Variants in LIMA1 observed in about 807,000 individuals in gnomAD.
LIMA1 encodes LIM domain and actin binding 1.
In LIMA1, 52 loss-of-function variants were observed where a neutral mutation model predicts 62.6. The ratio of observed to expected loss-of-function variants is 0.83; its 90% CI spans 0.67 to 1.05. The LOEUF (loss-of-function observed/expected upper bound fraction) is 1.05. LIMA1 is among the 50% of genes least tolerant of loss of function. The pLI, the probability that LIMA1 is intolerant of heterozygous loss-of-function variation, is 0.00. For missense variants in LIMA1, 780 were observed against 902.2 expected (o/e 0.86, Z 1.74); for synonymous variants, 302 against 317.8 (o/e 0.95, Z 0.53).
intron 9 of LIMA1, chr12:50,190,388 CAA>C (rs1940731140): frequency 1.4e-5 from 2 of 140,408 alleles, no homozygotes; most frequent in South Asian, 2.3e-4. Flanking sequence ...TTTTTTGAGA[CAA>C]GAGTTTCATG....
chr12:50,188,413 A>G (rs1204406469), intron 9 of LIMA1: 1 of 152,196 alleles, frequency 6.6e-6, no homozygotes, highest in African/African-American at 2.4e-5. Flanking sequence ...AGGAAGAGCA[A>G]ATAAATTGCC....
At chr12:50,192,627 C>T (rs910818529) in intron 8 of LIMA1, 66 bp from the exon 9 acceptor site, 10 of 1,252,560 alleles carry the variant, frequency 8.0e-6, no homozygotes, top group East Asian at 4.7e-5. Flanking sequence ...AGTGTTCTTC[C>T]GAAAAGCAAA....
intron 1 of LIMA1, among the ~76,000 whole-genome samples, chr12:50,278,930 T>C (rs1262820464): frequency 6.6e-6 from 1 of 152,116 alleles, no homozygotes; most frequent in Non-Finnish European, 1.5e-5. Flanking sequence ...TAGATCTCTC[T>C]GGAACAGATT....
intron 2 of LIMA1, among the ~76,000 whole-genome samples, chr12:50,246,583 C>T (rs1298936859): frequency 2.6e-5 from 4 of 152,074 alleles, no homozygotes; most frequent in African/African-American, 7.2e-5. Flanking sequence ...TCTAAAATAC[C>T]GGTCTGATCA....
chr12:50,222,322 C>G lies in LIMA1; in HGVS notation c.329G>C (p.Ser110Thr), dbSNP rs752452536. The G allele has an allele frequency of 6.2e-7, 1 of 1,614,132 alleles. No individual in the cohort carries two copies. Among genetic ancestry groups the G allele is most frequent in the South Asian group, 1.1e-5 (1 of 91,080 alleles). The change falls in exon 4 of 11, where the codon AGC (serine) becomes ACC (threonine). Residue 110 changes from serine to threonine, a missense_variant. Transcript: ENST00000341247. ...AGCTTTGGCTCCAGAAGCAGCGTGGCTTGTCACTTCAGCAGGAGGATGGTC... is the reference window on the plus strand; with the variant it reads ...AGCTTTGGCTCCAGAAGCAGCGTGGGTTGTCACTTCAGCAGGAGGATGGTC... ...RADHPPAEVT[S>T]HAASGAKADQ... is the part of the protein sequence containing the mutation.
chr12:50,193,667 T>TA (rs1491331766), intron 8 of LIMA1, among the ~76,000 whole-genome samples: 4,261 of 52,264 alleles, frequency 0.082, 145 homozygotes, highest in African/African-American at 0.16. Flanking sequence ...TATATATATA[T>TA]TTTTTTTTTT....
At chr12:50,182,402 A>G (rs909064591) in intron 9 of LIMA1, among the ~76,000 whole-genome samples, 11 of 152,336 alleles carry the variant, frequency 7.2e-5, no homozygotes, top group Non-Finnish European at 1.5e-4. Context: ...TATCACACAC[A>G]GAAGAAAGAA....
At chr12:50,199,358 C>T (rs1940995852) in intron 7 of LIMA1, among the ~76,000 whole-genome samples, 2 of 152,068 alleles carry the variant, frequency 1.3e-5, no homozygotes, top group Admixed American at 1.3e-4. Context: ...CCTGTAATTC[C>T]TCAGCCATCA....
intron 3 of LIMA1, among the ~76,000 whole-genome samples, chr12:50,223,750 T>C (rs1941485400): frequency 6.6e-6 from 1 of 151,928 alleles, no homozygotes; most frequent in Admixed American, 6.6e-5. Context: ...GAAAATTAAA[T>C]GTCCCGGCTG....
chr12:50,261,042 A>ATTTTTTTTTTT lies in LIMA1; in HGVS notation c.-23-12279_-23-12269dup, dbSNP rs71083524. 2.2e-3 allele frequency among the ~76,000 whole-genome samples: 121 copies of ATTTTTTTTTTT among 54,274 alleles called. 17 individuals carry two copies. Among genetic ancestry groups the ATTTTTTTTTTT allele is most frequent in the East Asian group, 0.016 (14 of 876 alleles). 35.6% of individuals were successfully genotyped at this position (54,274 alleles called of 152,430 possible). A position where few individuals can be genotyped will look rare whatever the true frequency, so the allele number is the denominator to read the frequency against. On this transcript the variant is annotated intron_variant, in intron 1 of 10. Coordinates refer to ENST00000341247, the MANE Select transcript of LIMA1 (RefSeq NM_016357.5). ...CTTTTGCTTTTCTGCCATCTAGTAT[A>ATTTTTTTTTTT]TTTTTTTTTTTTTTTTTTTTTTTTT...
intron 2 of LIMA1, among the ~76,000 whole-genome samples, chr12:50,246,231 C>CAAAA (rs923214910): frequency 5.8e-5 from 3 of 51,312 alleles, no homozygotes; most frequent in South Asian, 6.3e-4. Context: ...GACTCCATCT[C>CAAAA]AAAAAAAAAA....
intron 4 of LIMA1, among the ~76,000 whole-genome samples, chr12:50,208,146 G>A (rs1172716801): frequency 2.0e-5 from 3 of 151,992 alleles, no homozygotes; most frequent in Non-Finnish European, 4.4e-5. Flanking sequence ...CCAGGAGTTT[G>A]AGACCAGCTT....
At chr12:50,194,809 A>G (rs1940892455) in intron 8 of LIMA1, among the ~76,000 whole-genome samples, 1 of 151,708 alleles carries the variant, frequency 6.6e-6, no homozygotes, top group South Asian at 2.1e-4. Flanking sequence ...GCACTTTGTG[A>G]GGCCGAGGCG....
intron 1 of LIMA1, among the ~76,000 whole-genome samples, chr12:50,254,777 C>T (rs992425373): frequency 1.3e-5 from 2 of 152,106 alleles, no homozygotes; most frequent in Non-Finnish European, 2.9e-5. Context: ...TGGACAAAAA[C>T]AGCCGGGCGC....
chr12:50,176,494 C>A lies in LIMA1; in HGVS notation c.*570G>T, dbSNP rs1179107305. On this transcript the variant is annotated 3_prime_UTR_variant, in exon 11 of 11. Coordinates refer to ENST00000341247, the MANE Select transcript of LIMA1 (RefSeq NM_016357.5). ...CGAGTTCAGGATGTAGTTTAGAGAGCAGGACATAAAGTAGTAAATTCCTCA... is the reference window on the plus strand; with the variant it reads ...CGAGTTCAGGATGTAGTTTAGAGAGAAGGACATAAAGTAGTAAATTCCTCA... 1 of 152,328 alleles carries A rather than the reference C, an allele frequency of 6.6e-6. No homozygotes were observed. The highest frequency in any genetic ancestry group is 1.5e-5 in the Non-Finnish European group (1 of 68,068). The allele number at this position is 152,328 out of a possible 1,614,324, so 9.4% of individuals were successfully genotyped here. A position where few individuals can be genotyped will look rare whatever the true frequency, so the allele number is the denominator to read the frequency against.
chr12:50,228,522 A>G (rs1941565247), intron 3 of LIMA1, among the ~76,000 whole-genome samples: 1 of 152,152 alleles, frequency 6.6e-6, no homozygotes, highest in African/African-American at 2.4e-5. Context: ...GTTACTCCTT[A>G]TATCTCCAAC....
intron 9 of LIMA1, chr12:50,185,244 A>G (rs1940603816): frequency 2.6e-6 from 1 of 391,170 alleles, no homozygotes; most frequent in Non-Finnish European, 5.1e-6. Flanking sequence ...GGAGATGGAT[A>G]CTGTTCTGCT....
chr12:50,234,911 TGA>T (rs1464941865), intron 2 of LIMA1, among the ~76,000 whole-genome samples: 1 of 151,898 alleles, frequency 6.6e-6, no homozygotes, highest in Non-Finnish European at 1.5e-5. Flanking sequence ...CCGGGGAGGC[TGA>T]GATAGGAGGA....
Position 50,177,478 on chromosome 12 carries a change from A to G in LIMA1, c.1866T>C (p.Ser622=), listed in dbSNP as rs1379228928. ...CAACTCTTCCACCCACAGACTCTTC[A>G]CTCTGCTCTGACATGCTCCAGCCTT... The part of the protein sequence containing the change: ...IRKGWSMSEQ[S]EESVGGRVAE... Residue 622 remains serine (S), a synonymous_variant, in exon 11 of 11, where the codon AGT becomes AGC. Coordinates refer to ENST00000341247, the MANE Select transcript of LIMA1 (RefSeq NM_016357.5). 6.2e-7 allele frequency: 1 copy of G among 1,613,712 alleles called. No homozygotes were observed.
Sources: allele counts gnomAD v4.1 joint callset (sites outside exome capture counted in the v4.1 genomes callset), GRCh38; gene constraint gnomAD v4.1.1; transcripts MANE v1.5; gene names NCBI Gene and HGNC (gene_info 2026-07-23, HGNC 2026-07-21).